The following ULK4 variants were observed in gnomAD, a reference collection of about 807,000 sequenced individuals.
The protein encoded by ULK4 is inactive serine/threonine-protein kinase ULK4.
In ULK4, 133 loss-of-function variants were observed where a neutral mutation model predicts 160.6. The ratio of observed to expected loss-of-function variants is 0.83; its 90% CI spans 0.72 to 0.96. The LOEUF (loss-of-function observed/expected upper bound fraction) is 0.96. Ranked by LOEUF, ULK4 falls within the 40% of genes least tolerant of loss-of-function variation. ULK4 has a pLI of 0.00. For synonymous variants in ULK4, 534 were observed against 539.8 expected (o/e 0.99, Z 0.15); for missense variants, 1,580 against 1,499.5 (o/e 1.05, Z -0.89).
In ULK4 at chr3:41,574,528, C is replaced by CTTTTTTTTTTTTTT. The variant is rs1559406622; in HGVS notation, c.3121-8399_3121-8398insAAAAAAAAAAAAAA. 3.8e-5 allele frequency among the ~76,000 whole-genome samples: 4 copies of CTTTTTTTTTTTTTT among 106,286 alleles called. 1 individual carries two copies. The highest frequency in any genetic ancestry group is 5.7e-5 in the Non-Finnish European group (3 of 52,552). The allele number at this position is 106,286 out of a possible 152,430, so 69.7% of individuals were successfully genotyped here. On this transcript the variant is annotated intron_variant, in intron 31 of 36. Transcript: ENST00000301831. ...TCACCTCCACTACTGCTACCAGAGT[C>CTTTTTTTTTTTTTT]CTCTTTTTTTTTTTTTTTTTTTTTT... is the stretch of plus-strand genomic sequence containing the variant.
intron 36 of ULK4, 142 bp from the exon 37 acceptor site, chr3:41,247,134 A>G: frequency 1.2e-6 from 1 of 819,670 alleles, no homozygotes; most frequent in Non-Finnish European, 2.0e-6. Flanking sequence ...GAAGCAGGAA[A>G]TCCTGGCCCA....
At chr3:41,374,124 C>G (rs1559552561) in intron 35 of ULK4, among the ~76,000 whole-genome samples, 1 of 152,154 alleles carries the variant, frequency 6.6e-6, no homozygotes, top group Non-Finnish European at 1.5e-5. Context: ...AAAACAAGTT[C>G]TGAAATTGAG....
rs146583580 is a variant in ULK4, at chr3:41,773,718, C to T, written c.2193+15943G>A. The stretch of plus-strand genomic sequence containing the variant: ...ACTTTCTTCACAGAATTGGAAAAAA[C>T]GACTTTCAAGTTCATATGGAACCAA... On this transcript the variant is annotated intron_variant, in intron 21 of 36. Transcript: ENST00000301831. 5.6e-3 allele frequency among the ~76,000 whole-genome samples: 853 copies of T among 152,222 alleles called. 9 individuals carry two copies. Among genetic ancestry groups the T allele is most frequent in the African/African-American group, 0.02 (815 of 41,526 alleles).
chr3:41,412,592 G>C (rs975762079), intron 34 of ULK4, among the ~76,000 whole-genome samples: 1 of 101,444 alleles, frequency 9.9e-6, no homozygotes, highest in African/African-American at 3.8e-5. Flanking sequence ...ACAGAGTCTC[G>C]CTCTGTTGCC....
chr3:41,833,352 G>C (rs2041655955), intron 18 of ULK4, among the ~76,000 whole-genome samples: 1 of 151,210 alleles, frequency 6.6e-6, no homozygotes, highest in Non-Finnish European at 1.5e-5. Context: ...CTGGAGGGCA[G>C]TGGCGCAATC....
At chr3:41,570,677 C>A (rs2087941074) in intron 31 of ULK4, among the ~76,000 whole-genome samples, 1 of 152,202 alleles carries the variant, frequency 6.6e-6, no homozygotes, top group South Asian at 2.1e-4. Flanking sequence ...TTGGCAACTA[C>A]TTTGCTCATT....
chr3:41,608,987 T>C (rs1403859811), intron 31 of ULK4, among the ~76,000 whole-genome samples: 1 of 152,232 alleles, frequency 6.6e-6, no homozygotes. Context: ...AGAATGTGTA[T>C]GTACTATTTC....
chr3:41,431,428 T>A (rs572815021), intron 34 of ULK4, among the ~76,000 whole-genome samples: 26 of 150,202 alleles, frequency 1.7e-4, no homozygotes, highest in African/African-American at 6.3e-4. Context: ...AGCAAAGAGA[T>A]AAAAGCAAAC....
intron 17 of ULK4, among the ~76,000 whole-genome samples, chr3:41,853,875 T>C (rs77640094): frequency 2.0e-5 from 3 of 152,270 alleles, no homozygotes; most frequent in African/African-American, 7.2e-5. Context: ...AAAGTGAACA[T>C]GGGCTGCATG....
intron 17 of ULK4, among the ~76,000 whole-genome samples, chr3:41,843,444 G>T (rs189788433): frequency 6.6e-6 from 1 of 152,286 alleles, no homozygotes; most frequent in African/African-American, 2.4e-5. Flanking sequence ...TGTGTCGGGA[G>T]TTTGTTCCTT....
chr3:41,464,765 T>C (rs1354218181), intron 32 of ULK4, among the ~76,000 whole-genome samples: 1 of 152,206 alleles, frequency 6.6e-6, no homozygotes, highest in African/African-American at 2.4e-5. Context: ...GGGTAAGTAC[T>C]GGTGGAGTCC....
intron 22 of ULK4, among the ~76,000 whole-genome samples, chr3:41,735,937 C>G (rs1217640116): frequency 6.9e-6 from 1 of 145,144 alleles, no homozygotes; most frequent in African/African-American, 2.6e-5. Context: ...TGAGAATATG[C>G]GGTGTTTGGT....
intron 17 of ULK4, chr3:41,859,391 T>A: frequency 5.3e-6 from 3 of 567,510 alleles, no homozygotes; most frequent in Non-Finnish European, 1.1e-5. Context: ...GCTTCATTTG[T>A]CAACTGTGGT....
chr3:41,640,150 G>T (rs150991072), intron 30 of ULK4, among the ~76,000 whole-genome samples: 1 of 152,020 alleles, frequency 6.6e-6, no homozygotes, highest in Non-Finnish European at 1.5e-5. Context: ...CAAAAGGGAG[G>T]TCCCATTTCT....
chr3:41,280,063 G>C (rs1249002524), intron 35 of ULK4, among the ~76,000 whole-genome samples: 5 of 152,090 alleles, frequency 3.3e-5, no homozygotes, highest in Non-Finnish European at 4.4e-5. Context: ...AAACAAAGAA[G>C]GCCATTACAT....
intron 25 of ULK4, 72 bp downstream of exon 25, chr3:41,715,165 G>C: frequency 6.9e-7 from 1 of 1,455,496 alleles, no homozygotes; most frequent in Non-Finnish European, 9.5e-7. Flanking sequence ...ACCTCATTCT[G>C]ACATCAAATT....
chr3:41,890,759 CGGGAGGGA>C (rs1697908671), intron 16 of ULK4, among the ~76,000 whole-genome samples: 2 of 7,208 alleles, frequency 2.8e-4, no homozygotes, highest in African/African-American at 7.4e-4. Context: ...ACGGGAGGGA[CGGGAGGGA>C]CGGGAGGGAC....
intron 35 of ULK4, among the ~76,000 whole-genome samples, chr3:41,297,263 T>TA (rs975952410): frequency 6.6e-6 from 1 of 152,198 alleles, no homozygotes; most frequent in African/African-American, 2.4e-5. Flanking sequence ...TCTGAAACCC[T>TA]AGCCCCTGCT....
At chr3:41,363,508 C>G (rs1221355230) in intron 35 of ULK4, among the ~76,000 whole-genome samples, 1 of 152,130 alleles carries the variant, frequency 6.6e-6, no homozygotes, top group Admixed American at 6.6e-5. Context: ...CTGGTTCTTG[C>G]TGAGGCAAGC....
Sources: allele counts gnomAD v4.1 joint callset (sites outside exome capture counted in the v4.1 genomes callset), GRCh38; gene constraint gnomAD v4.1.1; transcripts MANE v1.5; gene names NCBI Gene and HGNC (gene_info 2026-07-23, HGNC 2026-07-21).